Variants in CNGB3 observed in about 807,000 individuals in gnomAD.
CNGB3 encodes cyclic nucleotide-gated channel beta-3.
In CNGB3, 86 loss-of-function variants were observed where a neutral mutation model predicts 92.8. That is an observed-to-expected ratio of 0.93 (90% CI 0.78 to 1.11). The LOEUF (loss-of-function observed/expected upper bound fraction) is 1.11, where lower values mean the gene tolerates loss of function less well. Among genes scored for constraint, CNGB3 ranks in the 50% least tolerant of loss-of-function variants. The pLI is 0.00. For missense variants in CNGB3, 1,026 were observed against 956.8 expected (o/e 1.07, Z -0.95); for synonymous variants, 333 against 332.7 (o/e 1.00, Z -0.01).
intron 2 of CNGB3, among the ~76,000 whole-genome samples, chr8:86,737,621 T>C (rs546485323): frequency 4.5e-4 from 69 of 152,010 alleles, no homozygotes; most frequent in African/African-American, 1.6e-3. Flanking sequence ...GGAGTACATG[T>C]GCAGGTTTAT....
chr8:86,594,770 A>T (rs2131550555), intron 15 of CNGB3, among the ~76,000 whole-genome samples: 3 of 152,206 alleles, frequency 2.0e-5, no homozygotes, highest in Middle Eastern at 3.4e-3. Flanking sequence ...GTGCGGTGGC[A>T]CAATCTCGGC....
In CNGB3 at chr8:86,613,607, G is replaced by A. The variant is rs116252396; in HGVS notation, c.1579-1936C>T. Among the ~76,000 whole-genome samples the A allele has an allele frequency of 3.0e-3, 457 of 152,208 alleles. 1 individual carries two copies. The highest frequency in any genetic ancestry group is 0.01 in the African/African-American group (432 of 41,546). Reference sequence around the variant, plus strand: ...ACTCTCAGTCACTCATGTCCATGGAGAAGATTTACATTGTAAATGATCAGA... The same window carrying A: ...ACTCTCAGTCACTCATGTCCATGGAAAAGATTTACATTGTAAATGATCAGA... On this transcript the variant is annotated intron_variant, in intron 13 of 17. Coordinates refer to ENST00000320005, the MANE Select transcript of CNGB3 (RefSeq NM_019098.5).
chr8:86,611,044 AAGAT>A (rs1822508839), intron 14 of CNGB3, among the ~76,000 whole-genome samples: 1 of 152,190 alleles, frequency 6.6e-6, no homozygotes, highest in Non-Finnish European at 1.5e-5. Flanking sequence ...TCAGTATAAA[AAGAT>A]AGGCCAAAAT....
chr8:86,610,829 G>A, intron 14 of CNGB3, among the ~76,000 whole-genome samples: 1 of 152,128 alleles, frequency 6.6e-6, no homozygotes, highest in East Asian at 1.9e-4. Context: ...CTGAGGGGAT[G>A]TTCTTTTTAT....
chr8:86,717,423 C>T (rs1193083074), intron 3 of CNGB3, among the ~76,000 whole-genome samples: 2 of 151,882 alleles, frequency 1.3e-5, no homozygotes, highest in South Asian at 2.1e-4. Flanking sequence ...ATTAGCCAGG[C>T]GTGGTGGCGT....
At chr8:86,703,348 G>A (rs1338309270) in intron 3 of CNGB3, among the ~76,000 whole-genome samples, 3 of 152,208 alleles carry the variant, frequency 2.0e-5, no homozygotes, top group Non-Finnish European at 4.4e-5. Context: ...AAGAAAGACA[G>A]AAGTGGGAGG....
chr8:86,598,584 CAAAATATCAG>C (rs1207251229), intron 15 of CNGB3, among the ~76,000 whole-genome samples: 1 of 152,140 alleles, frequency 6.6e-6, no homozygotes, highest in Non-Finnish European at 1.5e-5. Context: ...AGTCCAAAAT[CAAAATATCAG>C]CAGGGCTGTG....
chr8:86,613,293 AT>A (rs557729281), intron 13 of CNGB3, among the ~76,000 whole-genome samples: 1 of 152,084 alleles, frequency 6.6e-6, no homozygotes, highest in African/African-American at 2.4e-5. Flanking sequence ...TACAAACATA[AT>A]TTTTTTTCTA....
chr8:86,576,881 G>A (rs1377666938), intron 17 of CNGB3, among the ~76,000 whole-genome samples: 4 of 152,232 alleles, frequency 2.6e-5, no homozygotes, highest in South Asian at 2.1e-4. Flanking sequence ...GGTTTATACT[G>A]GATCCCTAAC....
intron 15 of CNGB3, among the ~76,000 whole-genome samples, chr8:86,590,708 C>A (rs935248256): frequency 2.1e-5 from 3 of 145,190 alleles, no homozygotes; most frequent in East Asian, 2.0e-4. Flanking sequence ...CTGAGAGATC[C>A]GCTGTTAGTC....
At chr8:86,632,937 T>G in intron 10 of CNGB3, 44 bp from the exon 11 acceptor site, 1 of 1,535,024 alleles carries the variant, frequency 6.5e-7, no homozygotes, top group South Asian at 1.1e-5. Flanking sequence ...TTCTATATCA[T>G]CGAAAGACCA....
intron 3 of CNGB3, among the ~76,000 whole-genome samples, chr8:86,693,950 T>A (rs1216190218): frequency 1.4e-5 from 2 of 144,214 alleles, no homozygotes; most frequent in African/African-American, 5.0e-5. Context: ...CCGTTCTCAA[T>A]GAGCCATTGG....
intron 3 of CNGB3, among the ~76,000 whole-genome samples, chr8:86,706,829 ACTT>A (rs1170789812): frequency 6.6e-6 from 1 of 152,194 alleles, no homozygotes; most frequent in Non-Finnish European, 1.5e-5. Context: ...CATAACTTCT[ACTT>A]CTTGTACTTG....
rs1447229421 is a variant in CNGB3 at position 86,596,977 on chromosome 8, G to A, written c.1781+7116C>T. On this transcript the variant is annotated intron_variant, in intron 15 of 17. Coordinates refer to ENST00000320005, the MANE Select transcript of CNGB3 (RefSeq NM_019098.5). ...CACTCATAAGTGGGAGTTGAACAAC[G>A]AGAACACATGGAGACAGGGAGGGGA... Among the ~76,000 whole-genome samples the A allele has an allele frequency of 2.7e-5, 4 of 150,716 alleles. No homozygotes were observed. The East Asian group carries it at 5.9e-4, about 22-fold the overall frequency.
chr8:86,596,423 T>G (rs1392152687), intron 15 of CNGB3, among the ~76,000 whole-genome samples: 1 of 152,184 alleles, frequency 6.6e-6, no homozygotes, highest in African/African-American at 2.4e-5. Context: ...AACAAAGTAA[T>G]TTTACAAAGA....
intron 14 of CNGB3, 55 bp from the exon 15 acceptor site, chr8:86,604,266 C>A: frequency 1.8e-6 from 2 of 1,100,968 alleles, no homozygotes; most frequent in Admixed American, 1.8e-5. Context: ...GATAATTATG[C>A]TGTAAATTAA....
chr8:86,624,924 A>G (rs985886569), intron 13 of CNGB3, among the ~76,000 whole-genome samples: 1 of 152,154 alleles, frequency 6.6e-6, no homozygotes, highest in Admixed American at 6.6e-5. Context: ...ACAGTGAGTG[A>G]GTTCTCATAA....
At chr8:86,658,076 C>T (rs530334490) in intron 6 of CNGB3, 11 of 528,864 alleles carry the variant, frequency 2.1e-5, no homozygotes, top group South Asian at 1.3e-4. Flanking sequence ...TCCATGGCCC[C>T]CTGCAGGGCC....
At chr8:86,680,250 G>A (rs1479621719) in intron 3 of CNGB3, among the ~76,000 whole-genome samples, 2 of 152,196 alleles carry the variant, frequency 1.3e-5, no homozygotes, top group South Asian at 4.1e-4. Flanking sequence ...GCAAGACATT[G>A]CCACCAGTAA....
Sources: allele counts gnomAD v4.1 joint callset (sites outside exome capture counted in the v4.1 genomes callset), GRCh38; gene constraint gnomAD v4.1.1; transcripts MANE v1.5; gene names NCBI Gene and HGNC (gene_info 2026-07-23, HGNC 2026-07-21).